PHKA2: variants seen among roughly 807,000 people sequenced by gnomAD.
PHKA2 encodes phosphorylase b kinase regulatory subunit alpha, liver isoform.
In PHKA2, 31 loss-of-function variants were observed where a neutral mutation model predicts 102.0. That is an observed-to-expected ratio of 0.30 (90% confidence interval 0.23 to 0.41). PHKA2 has a LOEUF of 0.41. PHKA2 is among the 10% of genes least tolerant of loss of function. PHKA2 has a pLI of 1.00. For missense variants in PHKA2, 858 were observed against 1,023.1 expected (o/e 0.84, Z 2.20); for synonymous variants, 455 against 416.2 (o/e 1.09, Z -1.13).
intron 19 of PHKA2, among the ~76,000 whole-genome samples, chrX:18,914,181 C>A (rs2047979611): frequency 8.9e-6 from 1 of 112,576 alleles, no homozygotes; most frequent in South Asian, 3.7e-4. Context: ...TACGATGTCA[C>A]TAGGTGACAG....
In PHKA2 at chrX:18,892,368, A is replaced by AG. The variant is rs1273158223; in HGVS notation, c.*1116dup. On this transcript the variant is annotated 3_prime_UTR_variant, in exon 33 of 33. Transcript: ENST00000379942. ...CCATTGGTTTTGTTTCCTTCCCCCA[A>AG]GGTAAGACAATGCCCGGAGAGAAAC... 1 of 112,519 alleles carries AG rather than the reference A, an allele frequency of 8.9e-6. No homozygotes were observed. Among genetic ancestry groups the AG allele is most frequent in the Non-Finnish European group, 1.9e-5 (1 of 53,301 alleles). 9.3% of individuals were successfully genotyped at this position (112,519 alleles called of 1,213,427 possible).
intron 1 of PHKA2, among the ~76,000 whole-genome samples, chrX:18,959,830 G>A (rs1336883644): frequency 9.0e-6 from 1 of 111,512 alleles, no homozygotes; most frequent in Non-Finnish European, 1.9e-5. Context: ...GGTATTACAA[G>A]CCGGTCTTAG....
chrX:18,948,568 A>C (rs1206837194), intron 5 of PHKA2, among the ~76,000 whole-genome samples, 176 bp downstream of exon 5: 1 of 112,591 alleles, frequency 8.9e-6, no homozygotes, highest in Non-Finnish European at 1.9e-5. Flanking sequence ...TGAAACCCCC[A>C]ACTCTATTCC....
intron 10 of PHKA2, among the ~76,000 whole-genome samples, chrX:18,936,686 C>T (rs2048398804): frequency 8.9e-6 from 1 of 112,257 alleles, no homozygotes; most frequent in African/African-American, 3.2e-5. Context: ...GAATAACATT[C>T]TGTCATTTGT....
intron 1 of PHKA2, among the ~76,000 whole-genome samples, chrX:18,968,509 C>T (rs919733819): frequency 1.8e-5 from 2 of 110,492 alleles, no homozygotes; most frequent in South Asian, 3.7e-4. Context: ...GTTTCTTAAA[C>T]GCCAGTTGAA....
At chrX:18,968,047 C>T (rs1242158469) in intron 1 of PHKA2, among the ~76,000 whole-genome samples, 4 of 110,762 alleles carry the variant, frequency 3.6e-5, no homozygotes, top group African/African-American at 9.9e-5. Flanking sequence ...AAAAACCTAC[C>T]GCATGTCAAC....
rs2047582596 is a variant in PHKA2 at position 18,897,294 on chromosome X, A to T, written c.3151T>A (p.Ser1051Thr). ...CCGATGTGATGTCCTCCCGAGTCTG[A>T]GGATGACGTGCCAGTGGGCGAGGAT... ...TPSSPTGTSSSDSGGHHIGWG... is the reference protein window; with the variant it reads ...TPSSPTGTSSTDSGGHHIGWG... The change falls in exon 30 of 33, where the codon TCA becomes ACA. Residue 1051 changes from serine to threonine, a missense_variant. Transcript: ENST00000379942. The T allele has an allele frequency of 8.3e-7, 1 of 1,210,871 alleles. No homozygotes were observed. The highest frequency in any genetic ancestry group is 3.0e-5 in the East Asian group (1 of 33,810).
chrX:18,981,358 C>A (rs1259372030), intron 1 of PHKA2, among the ~76,000 whole-genome samples: 4 of 111,518 alleles, frequency 3.6e-5, no homozygotes, highest in Non-Finnish European at 7.5e-5. Context: ...CACCAACTAC[C>A]CCCAAAATAA....
chrX:18,941,822 G>A, intron 7 of PHKA2, 147 bp from the exon 8 acceptor site: 1 of 503,630 alleles, frequency 2.0e-6, no homozygotes, highest in South Asian at 2.8e-5. Context: ...GCCCCTGCTG[G>A]CCAACACTGT....
chrX:18,961,071 AT>A (rs764358018), intron 1 of PHKA2, among the ~76,000 whole-genome samples: 30 of 112,012 alleles, frequency 2.7e-4, no homozygotes, highest in Admixed American at 4.7e-4. Context: ...TCTCAACCAT[AT>A]TGAGTCTTCT....
At chrX:18,924,880 G>T (rs2048186233) in intron 15 of PHKA2, among the ~76,000 whole-genome samples, 1 of 112,142 alleles carries the variant, frequency 8.9e-6, no homozygotes, top group South Asian at 3.7e-4. Context: ...CTTTCCAAGT[G>T]GGGGCACTGT....
At chrX:18,912,729 T>C (rs1204558360) in intron 19 of PHKA2, among the ~76,000 whole-genome samples, 1 of 110,018 alleles carries the variant, frequency 9.1e-6, no homozygotes, top group Non-Finnish European at 1.9e-5. Context: ...CCTGACAACA[T>C]GGCGAAACCC....
chrX:18,964,736 T>C (rs2048915429), intron 1 of PHKA2, among the ~76,000 whole-genome samples: 1 of 112,531 alleles, frequency 8.9e-6, no homozygotes, highest in African/African-American at 3.2e-5. Context: ...TGATTGCATC[T>C]ACAATTGAGA....
intron 1 of PHKA2, among the ~76,000 whole-genome samples, chrX:18,974,415 A>C (rs1349038735): frequency 2.7e-5 from 3 of 111,013 alleles, no homozygotes; most frequent in African/African-American, 9.8e-5. Flanking sequence ...CTAATGGTCA[A>C]CTCTTAGTCC....
chrX:18,934,101 T>A (rs1827554324), intron 11 of PHKA2, among the ~76,000 whole-genome samples: 2 of 112,068 alleles, frequency 1.8e-5, no homozygotes, highest in Non-Finnish European at 3.8e-5. Flanking sequence ...TTTTCCCGAA[T>A]GCCTCAGTAC....
rs753748908 is a variant in PHKA2, at chrX:18,925,099, C to G, written c.1569+569G>C. On this transcript the variant is annotated intron_variant, in intron 15 of 32. Transcript: ENST00000379942. ...AGCAGGGGCTAGGATGAAACAGCAG[C>G]TTGACCCAAGACCCCATGACCAACC... Among the ~76,000 whole-genome samples the G allele has an allele frequency of 4.4e-5, 5 of 112,579 alleles. No homozygotes were observed. The South Asian group carries it at 1.8e-3, about 41-fold the overall frequency.
At chrX:18,946,013 C>T (rs1345015054) in intron 5 of PHKA2, among the ~76,000 whole-genome samples, 2 of 110,100 alleles carry the variant, frequency 1.8e-5, no homozygotes, top group African/African-American at 6.6e-5. Context: ...CTGCAACCTC[C>T]ACCTCCCAGG....
At chrX:18,919,153 T>G (rs560719583) in intron 18 of PHKA2, among the ~76,000 whole-genome samples, 4 of 112,100 alleles carry the variant, frequency 3.6e-5, no homozygotes, top group Non-Finnish European at 5.6e-5. Flanking sequence ...TAAGACAGCC[T>G]GAAGGATAGC....
chrX:18,932,840 A>T (rs1158223821), intron 11 of PHKA2, among the ~76,000 whole-genome samples: 1 of 111,739 alleles, frequency 8.9e-6, no homozygotes, highest in Non-Finnish European at 1.9e-5. Flanking sequence ...AAGGTCAGGC[A>T]TGGTGGCTCA....
Sources: gnomAD v4.1 joint callset for allele counts (sites outside exome capture counted in the v4.1 genomes callset) on GRCh38, gnomAD v4.1.1 for gene constraint, MANE v1.5 for transcripts, NCBI Gene and HGNC (gene_info 2026-07-23, HGNC 2026-07-21) for gene names.